PITX1: variants seen among roughly 807,000 people sequenced by gnomAD.
PITX1 encodes the protein pituitary homeobox 1.
PITX1 carries 5 observed loss-of-function variants against 24.1 expected under a neutral mutation model. The observed-to-expected ratio is 0.21, with a 90% confidence interval of 0.11 to 0.44. The LOEUF is 0.44. PITX1 is among the 20% of genes least tolerant of loss of function. The probability of loss-of-function intolerance (pLI) is 0.99; values close to 1 mark genes in which losing one functional copy is unlikely to be tolerated. For synonymous variants in PITX1, 213 were observed against 208.9 expected (o/e 1.02, Z -0.17); for missense variants, 401 against 455.4 (o/e 0.88, Z 1.09).
At position 135,033,745 on chromosome 5, in the gene PITX1, G is replaced by A. The variant is rs1752508455; in HGVS notation, c.137C>T (p.Ser46Phe). 6.3e-7 allele frequency: 1 copy of A among 1,595,750 alleles called. No individual in the cohort carries two copies. The highest frequency in any genetic ancestry group is 8.5e-7 in the Non-Finnish European group (1 of 1,177,130). Reference protein sequence around the residue: ...PADPREPLENSASESSDTELP... With the variant: ...PADPREPLENFASESSDTELP... ...CTCCGTGTCAGACGACTCGCTGGCG[G>A]AGTTCTCGAGCGGCTCGCGGGGGTC... The change falls in exon 1 of 3, where the codon TCC becomes TTC. Residue 46 changes from serine to phenylalanine, a missense_variant. Transcript: ENST00000265340. This position sits in a 1 kb window ranked among gnomAD's most constrained non-coding sequence, Gnocchi z 5.9.
chr5:135,029,978 C>G (rs1370668246), intron 2 of PITX1, among the ~76,000 whole-genome samples: 1 of 152,068 alleles, frequency 6.6e-6, no homozygotes, highest in Non-Finnish European at 1.5e-5. Context: ...TCCCCTTAAA[C>G]AGTTGATTCT....
At chr5:135,032,108 C>G (rs1289047620) in intron 1 of PITX1, 1 of 152,510 alleles carries the variant, frequency 6.6e-6, no homozygotes, top group Non-Finnish European at 1.5e-5. Context: ...TGAAGCTACA[C>G]AAAACACACG....
At position 135,033,935 on chromosome 5, in the gene PITX1, CG is replaced by C; in HGVS notation, c.-55del. 1 of 1,175,872 alleles carries C rather than the reference CG, an allele frequency of 8.5e-7. No individual in the cohort carries two copies. Among genetic ancestry groups the C allele is most frequent in the Non-Finnish European group, 1.1e-6 (1 of 922,184 alleles). The allele number at this position is 1,175,872 out of a possible 1,614,324, so 72.8% of individuals were successfully genotyped here. On this transcript the variant is annotated 5_prime_UTR_variant, in exon 1 of 3. Transcript: ENST00000265340. The surrounding 1 kb of genome is among the most constrained non-coding windows in gnomAD (Gnocchi z 5.9). ...GGGGCCGGGGCTGGGCGCGCCCCGC[CG>C]CCCTGGCTGCGACCTGCGGGGACAA...
rs770618968 is a variant in PITX1, at chr5:135,033,770, CGGCGGGCCGGGCCAGGTGGAA to C, written c.91_111del (p.Phe31_Ala37del). ...GAGTTCTCGAGCGGCTCGCGGGGGT[CGGCGGGCCGGGCCAGGTGGAA>C]GGCGGGCCCCATGTCATGGGGTGGC... On this transcript the variant is annotated inframe_deletion, in exon 1 of 3. Transcript: ENST00000265340. The surrounding 1 kb of genome is among the most constrained non-coding windows in gnomAD (Gnocchi z 5.9). 6.3e-7 allele frequency: 1 copy of C among 1,588,228 alleles called. No individual in the cohort carries two copies. The highest frequency in any genetic ancestry group is 8.5e-7 in the Non-Finnish European group (1 of 1,174,490).
chr5:135,031,207 G>C (rs1486308472), intron 2 of PITX1, 69 bp downstream of exon 2: 25 of 1,174,762 alleles, frequency 2.1e-5, no homozygotes, highest in Non-Finnish European at 1.5e-5. Flanking sequence ...CTAAGCTTTG[G>C]AGGGCTGCAG....
rs976498518 is a variant in PITX1, at chr5:135,033,882, G to A, written c.-1C>T. 1.3e-5 allele frequency: 18 copies of A among 1,421,370 alleles called. No homozygotes were observed. Among genetic ancestry groups the A allele is most frequent in the Non-Finnish European group, 1.5e-5 (17 of 1,097,400 alleles). 88.0% of individuals were successfully genotyped at this position (1,421,370 alleles called of 1,614,324 possible). A position where few individuals can be genotyped will look rare whatever the true frequency, so the allele number is the denominator to read the frequency against. On this transcript the variant is annotated 5_prime_UTR_variant, in exon 1 of 3. Coordinates refer to ENST00000265340, the MANE Select transcript of PITX1 (RefSeq NM_002653.5). This position sits in a 1 kb window ranked among gnomAD's most constrained non-coding sequence, Gnocchi z 5.9. ...TCATGCCCCCCTTGAAGGCGTCCAT[G>A]GAGGTGGGGACCGCGGCGGGCGCTC...
chr5:135,031,168 G>T (rs1024997659), intron 2 of PITX1, 108 bp downstream of exon 2: 13 of 825,518 alleles, frequency 1.6e-5, no homozygotes, highest in African/African-American at 3.4e-5. Context: ...AGGTCTGAAT[G>T]GTGGGAGAGT....
upstream of PITX1, chr5:135,034,752 C>T (rs1428787483): frequency 1.3e-5 from 2 of 152,306 alleles, no homozygotes; most frequent in African/African-American, 2.4e-5. Context: ...CGGCAGCTCC[C>T]AGCGGTGTCC....
intron 2 of PITX1, among the ~76,000 whole-genome samples, chr5:135,030,729 G>A (rs1051443814): frequency 7.9e-5 from 12 of 152,344 alleles, no homozygotes; most frequent in African/African-American, 2.9e-4. Context: ...GGGTCCTACT[G>A]ATGGCTGGGG....
Position 135,028,791 on chromosome 5 carries a change from C to T in PITX1, c.933G>A (p.Gln311=), listed in dbSNP as rs1752397088. ...TGCGGCGGGGCGGTCAGCTGTTGTACTGGCACGCGTTGAGGCCCGAGGCCG... is the reference window on the plus strand; with the variant it reads ...TGCGGCGGGGCGGTCAGCTGTTGTATTGGCACGCGTTGAGGCCCGAGGCCG... ...QGPASGLNAC[Q]YNS The change falls in exon 3 of 3, where the codon CAG becomes CAA. Residue 311 remains glutamine (Q), a synonymous_variant. Transcript: ENST00000265340. 1.2e-6 allele frequency: 2 copies of T among 1,601,756 alleles called. No homozygotes were observed. Among genetic ancestry groups the T allele is most frequent in the Admixed American group, 1.7e-5 (1 of 59,306 alleles).
upstream of PITX1, chr5:135,034,256 C>A (rs1752527144): frequency 6.7e-6 from 1 of 149,422 alleles, no homozygotes; most frequent in Non-Finnish European, 1.5e-5. Context: ...AGCCAGGTTC[C>A]AGCAGTCCCT....
Position 135,029,335 on chromosome 5 carries a change from CG to C in PITX1, c.403-15del. Reference sequence around the variant, plus strand: ...CTTGAACCAGACCTGGGGGAGGGGACGGGAGAAGGGTCAGGGCCGCTGCGGG... The same window carrying C: ...CTTGAACCAGACCTGGGGGAGGGGACGGAGAAGGGTCAGGGCCGCTGCGGG... On this transcript the variant is annotated splice_polypyrimidine_tract_variant and intron_variant, in intron 2 of 2. Transcript: ENST00000265340. The C allele has an allele frequency of 6.3e-7, 1 of 1,579,564 alleles. No individual in the cohort carries two copies. The highest frequency in any genetic ancestry group is 8.6e-7 in the Non-Finnish European group (1 of 1,162,054).
Position 135,031,388 on chromosome 5 carries a change from G to C in PITX1, c.290C>G (p.Thr97Arg). ...KKQRRQRTHF[T>R]SQQLQELEAT... ...CTCTAGCTCTTGCAACTGCTGGCTTGTGAAGTGCGTACGTTGCCGCCGCTG... is the reference window on the plus strand; with the variant it reads ...CTCTAGCTCTTGCAACTGCTGGCTTCTGAAGTGCGTACGTTGCCGCCGCTG... The change falls in exon 2 of 3, where the codon ACA becomes AGA. Residue 97 changes from threonine to arginine, a missense_variant. Physicochemically the swap from Thr to Arg is moderately conservative, Grantham distance 71. Around this residue, in one of 3 missense-constraint regions of PITX1, gnomAD observed 48 missense variants for 102.2 expected, o/e 0.47. Coordinates refer to ENST00000265340, the MANE Select transcript of PITX1 (RefSeq NM_002653.5). 6.2e-7 allele frequency: 1 copy of C among 1,614,058 alleles called. No individual in the cohort carries two copies. The highest frequency in any genetic ancestry group is 8.5e-7 in the Non-Finnish European group (1 of 1,179,932).
rs115919655 is a variant in PITX1, at chr5:135,029,809, T to C, written c.403-488A>G. 3.0e-3 allele frequency among the ~76,000 whole-genome samples: 453 copies of C among 152,370 alleles called. 1 individual carries two copies. The highest frequency in any genetic ancestry group is 0.011 in the African/African-American group (444 of 41,594). On this transcript the variant is annotated intron_variant, in intron 2 of 2. Coordinates refer to ENST00000265340, the MANE Select transcript of PITX1 (RefSeq NM_002653.5). The stretch of plus-strand genomic sequence containing the variant: ...ATCGGCAATATTTGATGTTTTCTTT[T>C]TGGCTCCAAATGTTTATTTTCGTTC...
At chr5:135,029,349 G>C (rs1178654727) in intron 2 of PITX1, 28 bp from the exon 3 acceptor site, 1 of 1,541,750 alleles carries the variant, frequency 6.5e-7, no homozygotes, top group Non-Finnish European at 8.8e-7. Context: ...AGAAGGGTCA[G>C]GGCCGCTGCG....
Position 135,034,041 on chromosome 5 carries a change from G to T in PITX1, c.-160C>A, listed in dbSNP as rs1427927600. On this transcript the variant is annotated 5_prime_UTR_variant, in exon 1 of 3. Transcript: ENST00000265340. Reference sequence around the variant, plus strand: ...CGTGCCCGCCCCATGGACCGCCCGGGGCTGCGGCGCCGGGCGGGCAGAGGC... The same window carrying T: ...CGTGCCCGCCCCATGGACCGCCCGGTGCTGCGGCGCCGGGCGGGCAGAGGC... 30 of 269,012 alleles carry T rather than the reference G, an allele frequency of 1.1e-4. No homozygotes were observed. The highest frequency in any genetic ancestry group is 2.0e-4 in the Non-Finnish European group (30 of 152,828). The allele number at this position is 269,012 out of a possible 1,614,324, so 16.7% of individuals were successfully genotyped here.
chr5:135,033,578 A>C lies in PITX1; in HGVS notation c.169+135T>G. On this transcript the variant is annotated intron_variant, in intron 1 of 2. Transcript: ENST00000265340. The surrounding 1 kb of genome is among the most constrained non-coding windows in gnomAD (Gnocchi z 5.9). The stretch of plus-strand genomic sequence containing the variant: ...GTTCACCGTCAGGTCGAGAACGGGA[A>C]AAAGAAAGCTCCTGACGCTTCTGGG... 3 of 923,626 alleles carry C rather than the reference A, an allele frequency of 3.2e-6. No individual in the cohort carries two copies. Among genetic ancestry groups the C allele is most frequent in the Non-Finnish European group, 4.9e-6 (3 of 610,968 alleles). The allele number at this position is 923,626 out of a possible 1,614,324, so 57.2% of individuals were successfully genotyped here.
chr5:135,029,866 T>A (rs1319241808), intron 2 of PITX1, among the ~76,000 whole-genome samples: 1 of 152,220 alleles, frequency 6.6e-6, no homozygotes, highest in Non-Finnish European at 1.5e-5. Flanking sequence ...CTCTTTCTTC[T>A]CCCTCAGTCT....
intron 2 of PITX1, 126 bp from the exon 3 acceptor site, chr5:135,029,447 G>C (rs1157823504): frequency 7.0e-6 from 5 of 716,416 alleles, no homozygotes; most frequent in South Asian, 1.9e-5. Context: ...TCCTTCGACC[G>C]ATATTTCCGC....
Sources: allele counts gnomAD v4.1 joint callset (sites outside exome capture counted in the v4.1 genomes callset), GRCh38; gene constraint gnomAD v4.1.1; regional missense constraint gnomAD v4.1.1; non-coding constraint Gnocchi (gnomAD v3.1); transcripts MANE v1.5; gene names NCBI Gene and HGNC (gene_info 2026-07-23, HGNC 2026-07-21).